ANKS1B: variants seen among roughly 807,000 people sequenced by gnomAD.
The protein encoded by ANKS1B is ankyrin repeat and sterile alpha motif domain containing 1B.
In ANKS1B, 36 loss-of-function variants were observed where a neutral mutation model predicts 148.3. The ratio of observed to expected loss-of-function variants is 0.24; its 90% CI spans 0.19 to 0.32. ANKS1B has a LOEUF of 0.32. Among genes scored for constraint, ANKS1B ranks in the 10% least tolerant of loss-of-function variants. ANKS1B has a pLI of 1.00. For synonymous variants in ANKS1B, 542 were observed against 560.8 expected, an observed-to-expected ratio of 0.97 and a Z score of 0.47; for missense variants, 1,157 against 1,542.6, an observed-to-expected ratio of 0.75 and a Z score of 4.19.
At chr12:99,717,525 C>T (rs180763476) in intron 8 of ANKS1B, among the ~76,000 whole-genome samples, 12,942 of 152,132 alleles carry the variant, frequency 0.085, 1,208 homozygotes, top group East Asian at 0.45. Context: ...TCCTAAGCCG[C>T]GTCCCATCTG....
intron 8 of ANKS1B, among the ~76,000 whole-genome samples, chr12:99,678,252 G>A (rs1172389245): frequency 6.6e-6 from 1 of 152,026 alleles, no homozygotes; most frequent in Non-Finnish European, 1.5e-5. Flanking sequence ...GATACAAATC[G>A]TTTTCATGAT....
chr12:98,980,224 G>A (rs1162372268), intron 17 of ANKS1B, among the ~76,000 whole-genome samples: 5 of 151,840 alleles, frequency 3.3e-5, no homozygotes, highest in Admixed American at 6.6e-5. Flanking sequence ...GTTTTGAGAC[G>A]GAGTCTCGCT....
At chr12:99,293,311 T>C (rs1353632694) in intron 12 of ANKS1B, among the ~76,000 whole-genome samples, 3 of 128,802 alleles carry the variant, frequency 2.3e-5, no homozygotes, top group Non-Finnish European at 3.2e-5. Flanking sequence ...CGAGAACACC[T>C]GGACACAGGG....
intron 10 of ANKS1B, among the ~76,000 whole-genome samples, chr12:99,455,118 G>A (rs544277644): frequency 4.5e-4 from 68 of 151,864 alleles, no homozygotes; most frequent in South Asian, 1.0e-3. Flanking sequence ...TCTTTTCTCC[G>A]GTTGTACTCT....
intron 2 of ANKS1B, among the ~76,000 whole-genome samples, chr12:99,812,773 T>C (rs1258092669): frequency 6.6e-6 from 1 of 151,554 alleles, no homozygotes; most frequent in Non-Finnish European, 1.5e-5. Context: ...AAGTTGAAGT[T>C]ACAAGTATAT....
chr12:98,800,172 C>G (rs193093260), intron 21 of ANKS1B, among the ~76,000 whole-genome samples: 83 of 96,600 alleles, frequency 8.6e-4, no homozygotes, highest in African/African-American at 3.1e-3. Flanking sequence ...TCCAAAGCTG[C>G]AATATAAGTA....
chr12:99,835,668 G>C (rs1291697734), intron 1 of ANKS1B, among the ~76,000 whole-genome samples: 2 of 152,048 alleles, frequency 1.3e-5, no homozygotes, highest in African/African-American at 4.8e-5. Flanking sequence ...ATTAGGACTA[G>C]CCACATTTCA....
At chr12:99,100,860 C>A (rs1262897916) in intron 15 of ANKS1B, among the ~76,000 whole-genome samples, 1 of 152,158 alleles carries the variant, frequency 6.6e-6, no homozygotes, top group Non-Finnish European at 1.5e-5. Flanking sequence ...GCAGCACATA[C>A]AATGATTATG....
intron 16 of ANKS1B, among the ~76,000 whole-genome samples, chr12:99,057,225 T>A (rs150555797): frequency 9.2e-5 from 14 of 152,334 alleles, no homozygotes; most frequent in Non-Finnish European, 1.8e-4. Context: ...AGAATAAGCA[T>A]AATAATACCT....
intron 12 of ANKS1B, among the ~76,000 whole-genome samples, chr12:99,252,740 A>C (rs1481055933): frequency 6.6e-6 from 1 of 152,248 alleles, no homozygotes; most frequent in Non-Finnish European, 1.5e-5. Context: ...AACAACTAGC[A>C]GAACTTGTAC....
intron 19 of ANKS1B, among the ~76,000 whole-genome samples, chr12:98,826,453 T>C (rs942830284): frequency 2.0e-5 from 3 of 152,134 alleles, no homozygotes; most frequent in Non-Finnish European, 4.4e-5. Context: ...CCTCCAAACA[T>C]CTGGTAAGCA....
intron 14 of ANKS1B, among the ~76,000 whole-genome samples, chr12:99,224,525 G>T (rs911944463): frequency 2.6e-5 from 4 of 152,072 alleles, no homozygotes; most frequent in African/African-American, 9.7e-5. Flanking sequence ...TCTTGGTCCT[G>T]GTCCTGCCAT....
chr12:99,021,830 A>T (rs978041965), intron 17 of ANKS1B, among the ~76,000 whole-genome samples: 1 of 152,212 alleles, frequency 6.6e-6, no homozygotes, highest in Non-Finnish European at 1.5e-5. Context: ...GTTATCAACC[A>T]TTTACATTTT....
intron 1 of ANKS1B, among the ~76,000 whole-genome samples, chr12:99,871,376 T>C (rs1370278333): frequency 1.3e-5 from 2 of 152,230 alleles, no homozygotes; most frequent in African/African-American, 2.4e-5. Context: ...TTGCTTACGA[T>C]TGCTTTGGCT....
chr12:99,900,658 C>A (rs2093568806), intron 1 of ANKS1B, among the ~76,000 whole-genome samples: 1 of 152,030 alleles, frequency 6.6e-6, no homozygotes, highest in African/African-American at 2.4e-5. Flanking sequence ...ATTACATTAT[C>A]CCCACATTAA....
intron 3 of ANKS1B, among the ~76,000 whole-genome samples, chr12:99,809,523 A>G (rs2068069740): frequency 6.6e-6 from 1 of 152,044 alleles, no homozygotes; most frequent in Non-Finnish European, 1.5e-5. Context: ...TGGCAATTAT[A>G]AAAACCATAA....
intron 4 of ANKS1B, among the ~76,000 whole-genome samples, chr12:99,784,320 T>C (rs1057428845): frequency 1.3e-5 from 2 of 152,016 alleles, no homozygotes; most frequent in Non-Finnish European, 2.9e-5. Flanking sequence ...TACAGGCTCC[T>C]GCCACCACAC....
At chr12:99,808,907 T>A (rs1250352935) in intron 3 of ANKS1B, among the ~76,000 whole-genome samples, 1 of 152,052 alleles carries the variant, frequency 6.6e-6, no homozygotes, top group Non-Finnish European at 1.5e-5. Flanking sequence ...ACTGTTCAGA[T>A]CTCAAGGGAA....
intron 1 of ANKS1B, among the ~76,000 whole-genome samples, chr12:99,924,299 T>G (rs966896231): frequency 6.8e-6 from 1 of 148,016 alleles, no homozygotes; most frequent in Non-Finnish European, 1.5e-5. Flanking sequence ...TACAGATTAA[T>G]TTATTATTCA....
Sources: allele counts gnomAD v4.1 joint callset (sites outside exome capture counted in the v4.1 genomes callset), GRCh38; gene constraint gnomAD v4.1.1; transcripts MANE v1.5; gene names NCBI Gene and HGNC (gene_info 2026-07-23, HGNC 2026-07-21).